Variants in PPP3CC observed in about 807,000 individuals in gnomAD.
PPP3CC encodes serine/threonine-protein phosphatase 2B catalytic subunit gamma isoform.
A neutral mutation model predicts 60.3 loss-of-function variants in PPP3CC; 35 were observed. That is an observed-to-expected ratio of 0.58 (90% CI 0.44 to 0.77). PPP3CC has a LOEUF of 0.77. Among genes scored for constraint, PPP3CC ranks in the 30% least tolerant of loss-of-function variants. The pLI is 0.00. For synonymous variants in PPP3CC, 206 were observed against 224.3 expected (o/e 0.92, Z 0.73); for missense variants, 570 against 628.9 (o/e 0.91, Z 1.00).
Position 22,540,617 on chromosome 8 carries a change from A to G in PPP3CC, c.1354A>G (p.Ile452Val), listed in dbSNP as rs1406188368. Residue 452 changes from isoleucine to valine, a missense_variant and splice_region_variant, in exon 14 of 14, where the codon ATC becomes GTC. Physicochemically the swap from Ile to Val is conservative, Grantham distance 29 (BLOSUM62 3). Transcript: ENST00000240139. Reference protein sequence around the residue: ...TVEAVEAREAIRGFSLQHKIR... With the variant: ...TVEAVEAREAVRGFSLQHKIR... The stretch of plus-strand genomic sequence containing the variant: ...ACCTGCTTCCTGTTTTTCTGTAGCC[A>G]TCAGAGGGTTCTCGCTTCAGCACAA... 5.0e-6 allele frequency: 8 copies of G among 1,612,340 alleles called. No homozygotes were observed. Among genetic ancestry groups the G allele is most frequent in the Non-Finnish European group, 5.9e-6 (7 of 1,179,528 alleles).
intron 4 of PPP3CC, among the ~76,000 whole-genome samples, chr8:22,506,378 G>T (rs1441525735): frequency 6.6e-6 from 1 of 152,120 alleles, no homozygotes; most frequent in East Asian, 1.9e-4. Flanking sequence ...GTATTTTGGG[G>T]TGGCATATTC....
chr8:22,527,796 C>T (rs1204543358), intron 9 of PPP3CC, among the ~76,000 whole-genome samples: 3 of 152,022 alleles, frequency 2.0e-5, no homozygotes, highest in African/African-American at 2.4e-5. Flanking sequence ...CCACTGCACC[C>T]GGCTAATTTT....
At chr8:22,452,447 G>T (rs1271339055) in intron 1 of PPP3CC, among the ~76,000 whole-genome samples, 1 of 152,004 alleles carries the variant, frequency 6.6e-6, no homozygotes, top group African/African-American at 2.4e-5. Context: ...GGAGAGTAAT[G>T]GTTTGAGAAC....
chr8:22,536,140 A>G (rs1386032786), intron 12 of PPP3CC, among the ~76,000 whole-genome samples: 2 of 152,220 alleles, frequency 1.3e-5, no homozygotes, highest in African/African-American at 2.4e-5. Context: ...CTTTGGAAGT[A>G]TAGTTTATTT....
At chr8:22,531,294 C>T (rs1839709636) in intron 10 of PPP3CC, 1 of 1,530,360 alleles carries the variant, frequency 6.5e-7, no homozygotes, top group Admixed American at 2.0e-5. Context: ...TGTTTCTTCT[C>T]CCTGAAGATC....
chr8:22,455,971 T>G (rs964063032), intron 1 of PPP3CC, among the ~76,000 whole-genome samples: 2 of 152,268 alleles, frequency 1.3e-5, no homozygotes, highest in African/African-American at 4.8e-5. Context: ...AAAGGGCACA[T>G]AATACTTTTG....
intron 1 of PPP3CC, among the ~76,000 whole-genome samples, chr8:22,465,644 C>T (rs1480942578): frequency 6.6e-6 from 1 of 152,122 alleles, no homozygotes; most frequent in Non-Finnish European, 1.5e-5. Context: ...CAAGAAGACC[C>T]ATGCCAGATG....
intron 11 of PPP3CC, 30 bp downstream of exon 11, chr8:22,532,336 TA>T (rs1217345403): frequency 1.3e-6 from 2 of 1,549,158 alleles, no homozygotes; most frequent in Non-Finnish European, 1.8e-6. Context: ...CAGTGCGGAT[TA>T]AAGGCATTTT....
At chr8:22,469,706 C>G (rs771762276) in intron 1 of PPP3CC, among the ~76,000 whole-genome samples, 1 of 152,202 alleles carries the variant, frequency 6.6e-6, no homozygotes, top group Non-Finnish European at 1.5e-5. Flanking sequence ...CCAGTATTAA[C>G]CACAGTATGA....
At chr8:22,532,630 A>G (rs1467727279) in intron 11 of PPP3CC, among the ~76,000 whole-genome samples, 1 of 152,176 alleles carries the variant, frequency 6.6e-6, no homozygotes, top group African/African-American at 2.4e-5. Flanking sequence ...CTGTAAAGTA[A>G]TAATAGGCCC....
At position 22,540,968 on chromosome 8, in the gene PPP3CC, T is replaced by A; in HGVS notation, c.*166T>A. The A allele has an allele frequency of 1.8e-6, 1 of 556,742 alleles. No individual in the cohort carries two copies. Among genetic ancestry groups the A allele is most frequent in the Non-Finnish European group, 2.8e-6 (1 of 353,206 alleles). 34.5% of individuals were successfully genotyped at this position (556,742 alleles called of 1,614,324 possible). A position where few individuals can be genotyped will look rare whatever the true frequency, so the allele number is the denominator to read the frequency against. On this transcript the variant is annotated 3_prime_UTR_variant, in exon 14 of 14. Transcript: ENST00000240139. ...AAGGTGGCTGTTTTATAAATTCTTTTAATTTATGTTCAATATATATAAAAA... is the reference window on the plus strand; with the variant it reads ...AAGGTGGCTGTTTTATAAATTCTTTAAATTTATGTTCAATATATATAAAAA...
intron 6 of PPP3CC, 32 bp from the exon 7 acceptor site, chr8:22,522,459 C>T (rs777625606): frequency 6.5e-7 from 1 of 1,545,534 alleles, no homozygotes; most frequent in East Asian, 2.3e-5. Flanking sequence ...TGTTTTAATT[C>T]TGGATTTATG....
intron 8 of PPP3CC, among the ~76,000 whole-genome samples, chr8:22,525,230 AT>A: frequency 6.6e-6 from 1 of 152,300 alleles, no homozygotes; most frequent in Non-Finnish European, 1.5e-5. Context: ...AGTAACTTTT[AT>A]CTCAAAACAG....
rs996869518 is a variant in PPP3CC, at chr8:22,447,417, C to T, written c.49+5959C>T. ...CAGGATGGTCTCGGTCTCCTGACCT[C>T]GTGATCCGCCCGTCTCGGCCTCCCA... On this transcript the variant is annotated intron_variant, in intron 1 of 13. Transcript: ENST00000240139. Among the ~76,000 whole-genome samples the T allele has an allele frequency of 2.6e-5, 4 of 151,790 alleles. 1 individual carries two copies. Among genetic ancestry groups the T allele is most frequent in the African/African-American group, 4.8e-5 (2 of 41,312 alleles).
intron 1 of PPP3CC, among the ~76,000 whole-genome samples, chr8:22,446,339 G>C (rs971582742): frequency 6.6e-6 from 1 of 151,734 alleles, no homozygotes. Flanking sequence ...TTATTCTGGC[G>C]TCTAACGTCA....
intron 6 of PPP3CC, among the ~76,000 whole-genome samples, chr8:22,521,946 A>T (rs1202225235): frequency 1.4e-5 from 2 of 146,598 alleles, no homozygotes; most frequent in African/African-American, 5.1e-5. Context: ...CCTGGGCGAC[A>T]GAGCAAGACT....
At chr8:22,450,050 T>C (rs1265447225) in intron 1 of PPP3CC, among the ~76,000 whole-genome samples, 2 of 151,938 alleles carry the variant, frequency 1.3e-5, no homozygotes, top group Non-Finnish European at 2.9e-5. Flanking sequence ...TTTGTATTTT[T>C]AGTAGAGAAG....
chr8:22,511,593 G>A (rs974190096), intron 5 of PPP3CC, among the ~76,000 whole-genome samples: 9 of 152,060 alleles, frequency 5.9e-5, no homozygotes, highest in African/African-American at 9.7e-5. Context: ...TCTTATTGCA[G>A]TCAACCAATA....
At chr8:22,444,494 G>C (rs1836766675) in intron 1 of PPP3CC, among the ~76,000 whole-genome samples, 1 of 152,192 alleles carries the variant, frequency 6.6e-6, no homozygotes, top group Admixed American at 6.5e-5. Flanking sequence ...ACTGTTCCTA[G>C]TCAGGTGAAT....
Sources: allele counts gnomAD v4.1 joint callset (sites outside exome capture counted in the v4.1 genomes callset), GRCh38; gene constraint gnomAD v4.1.1; transcripts MANE v1.5; gene names NCBI Gene and HGNC (gene_info 2026-07-23, HGNC 2026-07-21).